The following SYN3 variants were observed in gnomAD, a reference collection of about 807,000 sequenced individuals.
SYN3 encodes the protein synapsin-3.
A neutral mutation model predicts 65.8 loss-of-function variants in SYN3; 35 were observed. The observed-to-expected ratio is 0.53, with a 90% CI of 0.41 to 0.70. The LOEUF is 0.70. Ranked by LOEUF, SYN3 falls within the 30% of genes least tolerant of loss-of-function variation. The probability of loss-of-function intolerance (pLI) is 0.00; values close to 1 mark genes in which losing one functional copy is unlikely to be tolerated. For synonymous variants in SYN3, 270 were observed against 292.9 expected, an observed-to-expected ratio of 0.92 and a Z score of 0.80; for missense variants, 680 against 749.0, an observed-to-expected ratio of 0.91 and a Z score of 1.08.
At chr22:32,822,896 C>T (rs564395923) in intron 6 of SYN3, among the ~76,000 whole-genome samples, 316 of 149,020 alleles carry the variant, frequency 2.1e-3, no homozygotes, top group African/African-American at 7.7e-3. Flanking sequence ...GTAACAGAAG[C>T]CAATTTGTTA....
At chr22:32,778,977 T>C (rs1036651363) in intron 6 of SYN3, among the ~76,000 whole-genome samples, 3 of 152,202 alleles carry the variant, frequency 2.0e-5, no homozygotes, top group African/African-American at 4.8e-5. Flanking sequence ...CAGCTTGCCT[T>C]AGGCACTGGG....
At chr22:32,759,188 C>T (rs749046634) in intron 6 of SYN3, among the ~76,000 whole-genome samples, 1 of 152,274 alleles carries the variant, frequency 6.6e-6, no homozygotes, top group South Asian at 2.1e-4. Context: ...TGCCTTTCCA[C>T]TGCTGCATTC....
intron 3 of SYN3, among the ~76,000 whole-genome samples, chr22:32,941,401 C>G (rs1183062703): frequency 1.3e-5 from 2 of 152,178 alleles, no homozygotes; most frequent in African/African-American, 4.8e-5. Context: ...AGCCCACTCT[C>G]TCATTTGTAT....
At chr22:33,002,667 A>AG (rs1056142924) in intron 2 of SYN3, among the ~76,000 whole-genome samples, 1 of 152,110 alleles carries the variant, frequency 6.6e-6, no homozygotes, top group African/African-American at 2.4e-5. Context: ...AAAACAAAAA[A>AG]AACTATAAAT....
At chr22:32,532,890 T>C (rs1166564680) in intron 10 of SYN3, among the ~76,000 whole-genome samples, 2 of 151,302 alleles carry the variant, frequency 1.3e-5, no homozygotes, top group Non-Finnish European at 1.5e-5. Context: ...ACTGGAGCTG[T>C]GAGTGTGGAG....
At position 32,801,089 on chromosome 22, in the gene SYN3, G is replaced by A. The variant is rs949657380; in HGVS notation, c.711+63826C>T. Among the ~76,000 whole-genome samples the A allele has an allele frequency of 6.6e-6, 1 of 152,208 alleles. No individual in the cohort carries two copies. Among genetic ancestry groups the A allele is most frequent in the Non-Finnish European group, 1.5e-5 (1 of 68,046 alleles). ...ATACAGAACCCCGTTTGCTCTGGGA[G>A]AGCACAGAAAACAGTCTTCTATCAT... On this transcript the variant is annotated intron_variant, in intron 6 of 13. Transcript: ENST00000358763. This position sits in a 1 kb window ranked among gnomAD's most constrained non-coding sequence, Gnocchi z 4.7.
intron 6 of SYN3, among the ~76,000 whole-genome samples, chr22:32,656,203 G>C (rs2060140509): frequency 6.6e-6 from 1 of 152,172 alleles, no homozygotes; most frequent in Non-Finnish European, 1.5e-5. Flanking sequence ...CAGGCCTCAT[G>C]TCCCCTTTCA....
At chr22:32,867,407 A>G (rs2048714386) in intron 5 of SYN3, among the ~76,000 whole-genome samples, 2 of 152,230 alleles carry the variant, frequency 1.3e-5, no homozygotes, top group Non-Finnish European at 2.9e-5. Context: ...GACTTACAAC[A>G]GCACCTGGAA....
chr22:33,024,064 C>T (rs2053601710), intron 1 of SYN3, among the ~76,000 whole-genome samples: 1 of 152,186 alleles, frequency 6.6e-6, no homozygotes. Context: ...CTCTCAATGA[C>T]AGCTCTTTCC....
intron 6 of SYN3, among the ~76,000 whole-genome samples, chr22:32,614,528 G>A (rs1176839642): frequency 3.9e-5 from 6 of 152,192 alleles, no homozygotes; most frequent in Non-Finnish European, 1.5e-5. Flanking sequence ...GTGGACAGGG[G>A]GATGAACCCT....
intron 5 of SYN3, among the ~76,000 whole-genome samples, chr22:32,865,668 C>A (rs377303185): frequency 6.6e-6 from 1 of 152,204 alleles, no homozygotes; most frequent in African/African-American, 2.4e-5. Context: ...CACTGCTCTC[C>A]TCCTGCTTCA....
intron 1 of SYN3, among the ~76,000 whole-genome samples, chr22:33,027,699 AAG>A (rs968918557): frequency 2.0e-5 from 3 of 151,916 alleles, no homozygotes; most frequent in East Asian, 3.9e-4. Flanking sequence ...GAAAGAAAGA[AAG>A]AGAGAGAGAG....
intron 3 of SYN3, among the ~76,000 whole-genome samples, chr22:32,955,522 T>C (rs905638613): frequency 1.3e-5 from 2 of 152,216 alleles, no homozygotes; most frequent in Non-Finnish European, 2.9e-5. Context: ...ATGTTTTTCA[T>C]TGTGGTAAAT....
intron 6 of SYN3, among the ~76,000 whole-genome samples, chr22:32,778,701 T>C (rs1333397679): frequency 6.6e-6 from 1 of 152,194 alleles, no homozygotes; most frequent in Non-Finnish European, 1.5e-5. Flanking sequence ...TCCCTAGGAC[T>C]TGCATTTAAC....
At chr22:33,021,445 C>T (rs116207106) in intron 1 of SYN3, among the ~76,000 whole-genome samples, 1,957 of 152,252 alleles carry the variant, frequency 0.013, 44 homozygotes, top group African/African-American at 0.045. Context: ...ATCTTGATGA[C>T]GTAGTGTTTC....
Position 32,773,632 on chromosome 22 carries a change from G to A in SYN3, c.711+91283C>T, listed in dbSNP as rs185687139. 2.0e-5 allele frequency among the ~76,000 whole-genome samples: 3 copies of A among 152,206 alleles called. No homozygotes were observed. The East Asian group carries it at 5.8e-4, about 29-fold the overall frequency. ...ATGCAGACTGAAGAAAAACACATCT[G>A]TTCAGCCATATCTAGCCCTTGAGCC... On this transcript the variant is annotated intron_variant, in intron 6 of 13. Transcript: ENST00000358763.
intron 6 of SYN3, among the ~76,000 whole-genome samples, chr22:32,778,076 C>T (rs960439660): frequency 3.3e-5 from 5 of 152,194 alleles, no homozygotes; most frequent in African/African-American, 1.2e-4. Flanking sequence ...TTTATCCTAT[C>T]AAGTGCTGGC....
chr22:32,639,193 TC>T (rs1419873794), intron 6 of SYN3, among the ~76,000 whole-genome samples: 1 of 152,146 alleles, frequency 6.6e-6, no homozygotes, highest in African/African-American at 2.4e-5. Flanking sequence ...GACCTCCTGA[TC>T]CACCCGCCTC....
At chr22:32,850,209 C>T (rs2048180632) in intron 6 of SYN3, among the ~76,000 whole-genome samples, 1 of 151,594 alleles carries the variant, frequency 6.6e-6, no homozygotes, top group Non-Finnish European at 1.5e-5. Flanking sequence ...AGAAAAAGAA[C>T]ACCAGATTTG....
Sources: allele counts gnomAD v4.1 joint callset (sites outside exome capture counted in the v4.1 genomes callset), GRCh38; gene constraint gnomAD v4.1.1; non-coding constraint Gnocchi (gnomAD v3.1); transcripts MANE v1.5; gene names NCBI Gene and HGNC (gene_info 2026-07-23, HGNC 2026-07-21).